LRP1: variants seen among roughly 807,000 people sequenced by gnomAD.
The protein encoded by LRP1 is LDL receptor related protein 1, also known as prolow-density lipoprotein receptor-related protein 1.
LRP1 carries 51 observed loss-of-function variants against 541.5 expected under a neutral mutation model. The ratio of observed to expected loss-of-function variants is 0.09; its 90% confidence interval spans 0.08 to 0.12. The LOEUF is 0.12. Ranked by LOEUF, LRP1 falls within the 10% of genes least tolerant of loss-of-function variation. The probability of loss-of-function intolerance (pLI) is 1.00; values close to 1 mark genes in which losing one functional copy is unlikely to be tolerated. For missense variants in LRP1, 3,878 were observed against 6,376.2 expected (o/e 0.61, Z 13.34); for synonymous variants, 2,219 against 2,470.8 (o/e 0.90, Z 3.02).
At chr12:57,196,376 A>T in intron 55 of LRP1, 99 bp downstream of exon 55, 1 of 1,187,020 alleles carries the variant, frequency 8.4e-7, no homozygotes. Flanking sequence ...GACAGTGGGG[A>T]TACAGCAGTG....
At position 57,156,728 on chromosome 12, in the gene LRP1, T is replaced by C; in HGVS notation, c.1418-49T>C. 6.4e-7 allele frequency: 1 copy of C among 1,551,892 alleles called. No homozygotes were observed. The highest frequency in any genetic ancestry group is 1.2e-5 in the South Asian group (1 of 85,446). On this transcript the variant is annotated intron_variant, in intron 9 of 88. Coordinates refer to ENST00000243077, the MANE Select transcript of LRP1 (RefSeq NM_002332.3). This position sits in a 1 kb window ranked among gnomAD's most constrained non-coding sequence, Gnocchi z 5.2. ...AGATTCAGGAAGCCTTCTCAAGGCC[T>C]GGCACAGGGGCTCTGAGGGGTCCTA...
Position 57,184,388 on chromosome 12 carries a change from C to T in LRP1, c.6122C>T (p.Thr2041Met), listed in dbSNP as rs148823753. The T allele has an allele frequency of 5.5e-5, 88 of 1,614,096 alleles. 1 individual carries two copies. Among genetic ancestry groups the T allele is most frequent in the South Asian group, 1.9e-4 (17 of 91,086 alleles). Residue 2041 changes from threonine (T) to methionine (M), a missense_variant, in exon 38 of 89, where the codon ACG becomes ATG. Coordinates refer to ENST00000243077, the MANE Select transcript of LRP1 (RefSeq NM_002332.3). The surrounding 1 kb of genome is among the most constrained non-coding windows in gnomAD (Gnocchi z 7.8). ...PRIERSRLDG[T>M]ERVVLVNVSI... ...ATTGAGCGGTCTCGGCTAGATGGCA[C>T]GGAGCGTGTGGTGCTGGTCAACGTC...
Position 57,154,704 on chromosome 12 carries a change from G to A in LRP1, c.1227+3G>A. ...AGACCATCATCCAGGGCATCCTGGT[G>A]AGGGAGCTACTGTCTGAGGTTTTGT... On this transcript the variant is annotated splice_donor_region_variant and intron_variant, in intron 8 of 88. Transcript: ENST00000243077. The surrounding 1 kb of genome is among the most constrained non-coding windows in gnomAD (Gnocchi z 4.6). 2 of 1,554,904 alleles carry A rather than the reference G, an allele frequency of 1.3e-6. No homozygotes were observed. Among genetic ancestry groups the A allele is most frequent in the Non-Finnish European group, 1.7e-6 (2 of 1,148,674 alleles).
At position 57,190,794 on chromosome 12, in the gene LRP1, T is replaced by C. The variant is rs766186502; in HGVS notation, c.7032-11T>C. On this transcript the variant is annotated splice_polypyrimidine_tract_variant and intron_variant, in intron 42 of 88. Coordinates refer to ENST00000243077, the MANE Select transcript of LRP1 (RefSeq NM_002332.3). ...GCTTTGCCTCCTGATCTCTGGACCCTCTTCCCCCAGCCTCATGTTCTGGAC... is the reference window on the plus strand; with the variant it reads ...GCTTTGCCTCCTGATCTCTGGACCCCCTTCCCCCAGCCTCATGTTCTGGAC... The C allele has an allele frequency of 3.1e-6, 5 of 1,612,876 alleles. No homozygotes were observed. Among genetic ancestry groups the C allele is most frequent in the Non-Finnish European group, 4.2e-6 (5 of 1,179,556 alleles).
At chr12:57,134,851 G>A (rs569230714) in intron 1 of LRP1, among the ~76,000 whole-genome samples, 2 of 152,178 alleles carry the variant, frequency 1.3e-5, no homozygotes, top group East Asian at 3.9e-4. Context: ...GACTACAGGC[G>A]CCTGCCACCA....
intron 42 of LRP1, among the ~76,000 whole-genome samples, 187 bp downstream of exon 42, chr12:57,187,643 C>G (rs1349648803): frequency 6.6e-6 from 1 of 152,184 alleles, no homozygotes; most frequent in Non-Finnish European, 1.5e-5. Flanking sequence ...TTCTGTGATA[C>G]AAGCTGGCTA....
chr12:57,169,511 A>G lies in LRP1; in HGVS notation c.3163+204A>G, dbSNP rs144939666. Among the ~76,000 whole-genome samples, 665 of 152,274 alleles carry G rather than the reference A, an allele frequency of 4.4e-3. 6 individuals carry two copies. The highest frequency in any genetic ancestry group is 0.015 in the African/African-American group (610 of 41,538). On this transcript the variant is annotated intron_variant, in intron 20 of 88. Coordinates refer to ENST00000243077, the MANE Select transcript of LRP1 (RefSeq NM_002332.3). ...GAAAAATCATTGCCACACGCTGTTAATATCATGCGCTTTGCAGTTGGTGGC... is the reference window on the plus strand; with the variant it reads ...GAAAAATCATTGCCACACGCTGTTAGTATCATGCGCTTTGCAGTTGGTGGC...
intron 6 of LRP1, 101 bp downstream of exon 6, chr12:57,145,591 C>A (rs1452737655): frequency 6.9e-7 from 1 of 1,443,032 alleles, no homozygotes; most frequent in East Asian, 2.3e-5. Context: ...CAGGATGGTC[C>A]TGTCTGGGGC....
intron 13 of LRP1, among the ~76,000 whole-genome samples, chr12:57,161,384 G>T (rs1321669030): frequency 6.6e-6 from 1 of 152,158 alleles, no homozygotes; most frequent in Non-Finnish European, 1.5e-5. Flanking sequence ...GACTGTCCAT[G>T]TGCCAGTCTC....
At chr12:57,140,894 G>T (rs1286565108) in intron 2 of LRP1, among the ~76,000 whole-genome samples, 1 of 152,058 alleles carries the variant, frequency 6.6e-6, no homozygotes, top group East Asian at 1.9e-4. Flanking sequence ...CACCATGCCT[G>T]GCTAATTTTT....
rs2035716414 is a variant in LRP1 at position 57,160,901 on chromosome 12, A to G, written c.1988A>G (p.Tyr663Cys). 6.2e-7 allele frequency: 1 copy of G among 1,613,424 alleles called. No homozygotes were observed. Among genetic ancestry groups the G allele is most frequent in the Non-Finnish European group, 8.5e-7 (1 of 1,179,888 alleles). ...IVVDPLNGWM[Y>C]WTDWEEDPKD... ...CCAGTCGCTGCCCACAGGTGGATGT[A>G]CTGGACAGACTGGGAGGAGGACCCC... is the stretch of plus-strand genomic sequence containing the variant. The change falls in exon 13 of 89, where the codon TAC (tyrosine) becomes TGC (cysteine). Residue 663 changes from tyrosine (Y) to cysteine (C), a missense_variant. Physicochemically the swap from Tyr to Cys is radical, Grantham distance 194. Around this residue, in one of 13 missense-constraint regions of LRP1, gnomAD observed 496 missense variants for 861.0 expected, o/e 0.58. Coordinates refer to ENST00000243077, the MANE Select transcript of LRP1 (RefSeq NM_002332.3).
In LRP1 at chr12:57,154,174, C is replaced by T; in HGVS notation, c.842-34C>T. Reference sequence around the variant, plus strand: ...TGGGCATCTCTGCAAGAGGGCCTACCCCACCCCATGGCTCTTTCATTCGTA... The same window carrying T: ...TGGGCATCTCTGCAAGAGGGCCTACTCCACCCCATGGCTCTTTCATTCGTA... On this transcript the variant is annotated intron_variant, in intron 6 of 88. Coordinates refer to ENST00000243077, the MANE Select transcript of LRP1 (RefSeq NM_002332.3). This position sits in a 1 kb window ranked among gnomAD's most constrained non-coding sequence, Gnocchi z 4.6. The T allele has an allele frequency of 6.3e-7, 1 of 1,593,930 alleles. No individual in the cohort carries two copies. The highest frequency in any genetic ancestry group is 2.2e-5 in the East Asian group (1 of 44,516).
In LRP1 at chr12:57,197,641, C is replaced by A. The variant is rs2229279; in HGVS notation, c.9259C>A (p.His3087Asn). Reference sequence around the variant, plus strand: ...CCAGGGCAGCATGATCCGAAGGATGCACCTTAACGGGAGCAATGTGCAGGT... The same window carrying A: ...CCAGGGCAGCATGATCCGAAGGATGAACCTTAACGGGAGCAATGTGCAGGT... ...TTQGSMIRRM[H>N]LNGSNVQVLH... Residue 3087 changes from histidine to asparagine, a missense_variant, in exon 58 of 89, where the codon CAC becomes AAC. By Grantham distance (68) the His-to-Asn change is moderately conservative (BLOSUM62 1). Around this residue, in one of 13 missense-constraint regions of LRP1, gnomAD observed 1,100 missense variants for 1,827.4 expected, o/e 0.60. Coordinates refer to ENST00000243077, the MANE Select transcript of LRP1 (RefSeq NM_002332.3). The surrounding 1 kb of genome is among the most constrained non-coding windows in gnomAD (Gnocchi z 4.5). 1.3e-5 allele frequency: 21 copies of A among 1,614,016 alleles called. No individual in the cohort carries two copies. In the Admixed American group the frequency reaches 2.0e-4, roughly 15 times the overall value.
At position 57,183,679 on chromosome 12, in the gene LRP1, C is replaced by G; in HGVS notation, c.5795-96C>G. On this transcript the variant is annotated intron_variant, in intron 35 of 88. Transcript: ENST00000243077. The surrounding 1 kb of genome is among the most constrained non-coding windows in gnomAD (Gnocchi z 6.1). The stretch of plus-strand genomic sequence containing the variant: ...CCCTTCAAGCACCTGGCCCCTCCGG[C>G]ACTCTCTCACCTCTGTCTTGAGCCT... The G allele has an allele frequency of 6.5e-7, 1 of 1,545,192 alleles. No homozygotes were observed. Among genetic ancestry groups the G allele is most frequent in the Non-Finnish European group, 8.8e-7 (1 of 1,136,648 alleles).
At chr12:57,130,178 C>T (rs532546121) in intron 1 of LRP1, among the ~76,000 whole-genome samples, 1 of 152,142 alleles carries the variant, frequency 6.6e-6, no homozygotes, top group African/African-American at 2.4e-5. Context: ...GGATCTCATC[C>T]CCTCCTGTCA....
chr12:57,211,740 C>T lies in LRP1; in HGVS notation c.13194-10C>T. 2 of 1,613,364 alleles carry T rather than the reference C, an allele frequency of 1.2e-6. No individual in the cohort carries two copies. The highest frequency in any genetic ancestry group is 2.2e-5 in the East Asian group (1 of 44,872). On this transcript the variant is annotated splice_polypyrimidine_tract_variant and intron_variant, in intron 85 of 88. Transcript: ENST00000243077. The surrounding 1 kb of genome is among the most constrained non-coding windows in gnomAD (Gnocchi z 4.3). The stretch of plus-strand genomic sequence containing the variant: ...TTATACCTACTCAGCCGTGTCCCTC[C>T]TTTCTGCAGGTGCCCACCCCACATG...
At chr12:57,210,661 T>A in intron 82 of LRP1, 57 bp from the exon 83 acceptor site, 1 of 1,566,060 alleles carries the variant, frequency 6.4e-7, no homozygotes, top group South Asian at 1.2e-5. Context: ...ATTCCTCTGC[T>A]ATAGGGCCAG....
intron 45 of LRP1, 92 bp from the exon 46 acceptor site, chr12:57,193,084 G>C (rs1260960593): frequency 4.4e-6 from 7 of 1,585,472 alleles, no homozygotes; most frequent in Non-Finnish European, 6.0e-6. Flanking sequence ...CCAAGAAGAC[G>C]CTGATGATGA....
intron 6 of LRP1, chr12:57,149,283 C>T (rs972685703): frequency 2.3e-6 from 1 of 440,868 alleles, no homozygotes; most frequent in Non-Finnish European, 4.0e-6. Context: ...GGCCTTAGGC[C>T]CCCTGCATCC....
Sources: allele counts gnomAD v4.1 joint callset (sites outside exome capture counted in the v4.1 genomes callset), GRCh38; gene constraint gnomAD v4.1.1; regional missense constraint gnomAD v4.1.1; non-coding constraint Gnocchi (gnomAD v3.1); transcripts MANE v1.5; gene names NCBI Gene and HGNC (gene_info 2026-07-23, HGNC 2026-07-21).